COBLL1: variants seen among roughly 807,000 people sequenced by gnomAD.
COBLL1 encodes cordon-bleu protein-like 1.
A neutral mutation model predicts 94.8 loss-of-function variants in COBLL1; 50 were observed. The ratio of observed to expected loss-of-function variants is 0.53; its 90% CI spans 0.42 to 0.67. COBLL1 has a LOEUF of 0.67. Among genes scored for constraint, COBLL1 ranks in the 30% least tolerant of loss-of-function variants. The pLI is 0.00. For missense variants in COBLL1, 1,362 were observed against 1,348.7 expected (o/e 1.01, Z -0.15); for synonymous variants, 448 against 473.8 (o/e 0.95, Z 0.71).
intron 2 of COBLL1, among the ~76,000 whole-genome samples, chr2:164,779,288 AC>A (rs1688626229): frequency 6.6e-6 from 1 of 152,142 alleles, no homozygotes; most frequent in African/African-American, 2.4e-5. Context: ...GATAAACAGT[AC>A]GAATCATGGC....
rs374475798 is a variant in COBLL1 at position 164,768,416 on chromosome 2, AT to A, written c.42-24542del. 1.0e-3 allele frequency among the ~76,000 whole-genome samples: 150 copies of A among 148,190 alleles called. 1 individual carries two copies. The highest frequency in any genetic ancestry group is 7.1e-3 in the East Asian group (36 of 5,046). On this transcript the variant is annotated intron_variant, in intron 2 of 13. Transcript: ENST00000652658. ...GTAAACTTTCTTAAAACATTATGAG[AT>A]TTTTTTTTTTTAGCATATCAGCTAC... is the stretch of plus-strand genomic sequence containing the variant.
Position 164,728,133 on chromosome 2 carries a change from T to C in COBLL1, c.497A>G (p.His166Arg), listed in dbSNP as rs777366454. 2.5e-6 allele frequency: 4 copies of C among 1,613,734 alleles called. No individual in the cohort carries two copies. The highest frequency in any genetic ancestry group is 1.3e-5 in the African/African-American group (1 of 74,936). ...AGGGGCAAGCTCTTGAAGCGATGCA[T>C]GTGGACTCACTCTCACTATGGTCTT... is the stretch of plus-strand genomic sequence containing the variant. ...TQKTIVRVSP[H>R]ASLQELAPII... Residue 166 changes from histidine (H) to arginine (R), a missense_variant, in exon 5 of 14, where the codon CAT becomes CGT. Physicochemically the swap from His to Arg is conservative, Grantham distance 29 (BLOSUM62 0). Transcript: ENST00000652658.
chr2:164,746,423 G>T (rs1416749130), intron 2 of COBLL1, among the ~76,000 whole-genome samples: 1 of 152,056 alleles, frequency 6.6e-6, no homozygotes, highest in Non-Finnish European at 1.5e-5. Context: ...TCAGCTCACT[G>T]CCTCACTTCT....
chr2:164,680,589 C>T lies in COBLL1; in HGVS notation c.*5357G>A, dbSNP rs1574395511. Reference sequence around the variant, plus strand: ...CTGCTCACTTCTATTACTCATATGGCAGATTCTGCTTCTTCCTTCTTTGTA... The same window carrying T: ...CTGCTCACTTCTATTACTCATATGGTAGATTCTGCTTCTTCCTTCTTTGTA... On this transcript the variant is annotated 3_prime_UTR_variant, in exon 14 of 14. Transcript: ENST00000652658. 1 of 152,118 alleles carries T rather than the reference C, an allele frequency of 6.6e-6. No individual in the cohort carries two copies. The highest frequency in any genetic ancestry group is 1.9e-4 in the East Asian group (1 of 5,192). 9.4% of individuals were successfully genotyped at this position (152,118 alleles called of 1,614,324 possible).
chr2:164,793,272 C>CT (rs1374986653), intron 2 of COBLL1, among the ~76,000 whole-genome samples: 1 of 150,622 alleles, frequency 6.6e-6, no homozygotes, highest in East Asian at 2.0e-4. Flanking sequence ...GTTTGTAAAC[C>CT]TTTTTAAAGA....
chr2:164,807,088 A>G (rs1410442013), intron 2 of COBLL1, among the ~76,000 whole-genome samples: 1 of 152,174 alleles, frequency 6.6e-6, no homozygotes, highest in Admixed American at 6.5e-5. Context: ...GAAAGCCATT[A>G]CAACATTATT....
At chr2:164,827,956 A>G (rs765404152) in intron 2 of COBLL1, among the ~76,000 whole-genome samples, 15 of 152,192 alleles carry the variant, frequency 9.9e-5, no homozygotes, top group Non-Finnish European at 1.8e-4. Flanking sequence ...TCTTTCAAAA[A>G]TACTATGGCA....
At chr2:164,674,784 C>T (rs985601058) in intron 1 of COBLL1, among the ~76,000 whole-genome samples, 1 of 152,186 alleles carries the variant, frequency 6.6e-6, no homozygotes, top group African/African-American at 2.4e-5. Context: ...ATAGTTCTAA[C>T]ATCTCTTTAA....
chr2:164,702,574 A>AT (rs1160044049), intron 9 of COBLL1, among the ~76,000 whole-genome samples: 351 of 146,942 alleles, frequency 2.4e-3, no homozygotes, highest in Middle Eastern at 6.9e-3. Context: ...AAAAAAAAAA[A>AT]AAATAATAAT....
chr2:164,749,955 C>T (rs1311069518), intron 2 of COBLL1, among the ~76,000 whole-genome samples: 1 of 152,202 alleles, frequency 6.6e-6, no homozygotes, highest in African/African-American at 2.4e-5. Flanking sequence ...ACACAATCTA[C>T]TGTTTCTTCC....
At chr2:164,704,724 T>C (rs914575648) in intron 8 of COBLL1, among the ~76,000 whole-genome samples, 1 of 152,236 alleles carries the variant, frequency 6.6e-6, no homozygotes, top group African/African-American at 2.4e-5. Flanking sequence ...CTGAATAAAT[T>C]CACAGATTAT....
chr2:164,790,924 G>A (rs1448559524), intron 2 of COBLL1, among the ~76,000 whole-genome samples: 1 of 152,146 alleles, frequency 6.6e-6, no homozygotes, highest in African/African-American at 2.4e-5. Context: ...ACAATCCGTT[G>A]CACACTTCTG....
chr2:164,811,213 T>C (rs1684442024), intron 2 of COBLL1, among the ~76,000 whole-genome samples: 1 of 151,934 alleles, frequency 6.6e-6, no homozygotes, highest in Admixed American at 6.6e-5. Context: ...CAGGATATGA[T>C]GAAAATAGGA....
chr2:164,832,494 T>C (rs1158868025), intron 2 of COBLL1, among the ~76,000 whole-genome samples: 3 of 152,188 alleles, frequency 2.0e-5, no homozygotes, highest in African/African-American at 4.8e-5. Flanking sequence ...AAAAATCAGA[T>C]TTTATAAGTA....
chr2:164,784,079 G>C (rs752526603), intron 2 of COBLL1, among the ~76,000 whole-genome samples: 3 of 152,182 alleles, frequency 2.0e-5, no homozygotes, highest in Non-Finnish European at 4.4e-5. Context: ...GTCCAGGCAG[G>C]AGAAGCAGCA....
intron 2 of COBLL1, among the ~76,000 whole-genome samples, chr2:164,807,479 A>G (rs998455094): frequency 6.6e-6 from 1 of 151,008 alleles, no homozygotes; most frequent in Non-Finnish European, 1.5e-5. Context: ...TCAATTCTAC[A>G]TTTGTCAAAT....
chr2:164,785,654 A>G lies in COBLL1; in HGVS notation c.42-41779T>C, dbSNP rs976046746. ...GAGCTAGAAGTTCCAAAAGTGAGAG[A>G]CAATGTAGCTGAGTACTTGCTATGG... On this transcript the variant is annotated intron_variant, in intron 2 of 13. Coordinates refer to ENST00000652658, the MANE Select transcript of COBLL1 (RefSeq NM_001365672.2). 3.3e-5 allele frequency among the ~76,000 whole-genome samples: 5 copies of G among 152,308 alleles called. No individual in the cohort carries two copies. The East Asian group carries it at 9.7e-4, about 29-fold the overall frequency.
chr2:164,670,846 C>A (rs981110510), intron 1 of COBLL1, among the ~76,000 whole-genome samples: 5 of 152,140 alleles, frequency 3.3e-5, no homozygotes, highest in African/African-American at 9.7e-5. Flanking sequence ...CTTCTCAGAA[C>A]TCATGAGGAA....
At chr2:164,686,078 T>G in intron 13 of COBLL1, 46 bp from the exon 14 acceptor site, 1 of 1,043,772 alleles carries the variant, frequency 9.6e-7, no homozygotes. Context: ...TAAAATGGGA[T>G]AGCTGTCTAA....
Sources: gnomAD v4.1 joint callset for allele counts (sites outside exome capture counted in the v4.1 genomes callset) on GRCh38, gnomAD v4.1.1 for gene constraint, MANE v1.5 for transcripts, NCBI Gene and HGNC (gene_info 2026-07-23, HGNC 2026-07-21) for gene names.